PCDH7: variants seen among roughly 807,000 people sequenced by gnomAD.
PCDH7 encodes protocadherin 7.
A neutral mutation model predicts 58.9 loss-of-function variants in PCDH7; 17 were observed. The ratio of observed to expected loss-of-function variants is 0.29; its 90% CI spans 0.20 to 0.43. PCDH7 has a LOEUF of 0.43. PCDH7 is among the 20% of genes least tolerant of loss of function. The pLI is 1.00. For synonymous variants in PCDH7, 664 were observed against 616.4 expected (o/e 1.08, Z -1.14); for missense variants, 1,274 against 1,441.0 (o/e 0.88, Z 1.88).
chr4:30,914,445 T>C (rs1742162879), intron 1 of PCDH7, among the ~76,000 whole-genome samples: 1 of 152,174 alleles, frequency 6.6e-6, no homozygotes. Context: ...AATAGAGAAA[T>C]ATTCATGCTT....
At chr4:30,828,447 A>G (rs1156961245) in intron 1 of PCDH7, among the ~76,000 whole-genome samples, 1 of 151,934 alleles carries the variant, frequency 6.6e-6, no homozygotes, top group African/African-American at 2.4e-5. Flanking sequence ...AGCTATTCAC[A>G]TTTTTGTGGC....
At chr4:30,875,004 C>T (rs567790909) in intron 1 of PCDH7, among the ~76,000 whole-genome samples, 1 of 152,150 alleles carries the variant, frequency 6.6e-6, no homozygotes, top group South Asian at 2.1e-4. Context: ...TTGTTACAGT[C>T]CTTATTTCCT....
intron 3 of PCDH7, among the ~76,000 whole-genome samples, chr4:30,953,703 C>A (rs1747578521): frequency 6.6e-6 from 1 of 151,930 alleles, no homozygotes; most frequent in Non-Finnish European, 1.5e-5. Flanking sequence ...TTAAAAATAG[C>A]ATTTGAAGAA....
At chr4:30,956,499 A>C (rs1207054021) in intron 3 of PCDH7, among the ~76,000 whole-genome samples, 2 of 152,192 alleles carry the variant, frequency 1.3e-5, no homozygotes, top group African/African-American at 4.8e-5. Context: ...TGTTATCTGT[A>C]GACTACACTT....
intron 3 of PCDH7, among the ~76,000 whole-genome samples, chr4:30,959,397 T>C (rs1748172539): frequency 6.6e-6 from 1 of 152,144 alleles, no homozygotes. Context: ...ATATCAGAGA[T>C]ACATATTATC....
chr4:31,015,391 T>C (rs1363714678), intron 3 of PCDH7, among the ~76,000 whole-genome samples: 3 of 152,218 alleles, frequency 2.0e-5, no homozygotes, highest in African/African-American at 7.2e-5. Flanking sequence ...GTGTGTTTTA[T>C]AGGTTTTATT....
At chr4:31,094,561 G>C (rs975232806) in intron 3 of PCDH7, among the ~76,000 whole-genome samples, 7 of 152,122 alleles carry the variant, frequency 4.6e-5, no homozygotes, top group African/African-American at 1.7e-4. Context: ...TGAGATAACA[G>C]AAAGCATTTG....
Position 30,936,625 on chromosome 4 carries a change from CA to C in PCDH7, c.288-13493del, listed in dbSNP as rs1239616335. ...CTTTCTATCTGTGTATTATAAACCACAATGCATTTTTTTTTTGTTTTTTGCA... is the reference window on the plus strand; with the variant it reads ...CTTTCTATCTGTGTATTATAAACCACATGCATTTTTTTTTTGTTTTTTGCA... On this transcript the variant is annotated intron_variant, in intron 2 of 3. Transcript: ENST00000509759. Among the ~76,000 whole-genome samples, 12 of 143,342 alleles carry C rather than the reference CA, an allele frequency of 8.4e-5. 1 individual carries two copies. The East Asian group carries it at 2.0e-3, about 23-fold the overall frequency. 94.0% of individuals were successfully genotyped at this position (143,342 alleles called of 152,430 possible).
At chr4:31,077,409 CAA>C (rs36096768) in intron 3 of PCDH7, among the ~76,000 whole-genome samples, 12 of 87,966 alleles carry the variant, frequency 1.4e-4, no homozygotes, top group Admixed American at 2.6e-4. Context: ...AACTCCATCT[CAA>C]AAAAAAAAAA....
rs1320407538 is a variant in PCDH7 at position 31,079,330 on chromosome 4, A to C, written c.*8-63143A>C. 1.0e-3 allele frequency among the ~76,000 whole-genome samples: 56 copies of C among 54,822 alleles called. 1 individual carries two copies. The highest frequency in any genetic ancestry group is 4.7e-3 in the Admixed American group (31 of 6,660). 36.0% of individuals were successfully genotyped at this position (54,822 alleles called of 152,430 possible). On this transcript the variant is annotated intron_variant, in intron 3 of 3. Transcript: ENST00000509759. ...GGAAGATATATATATATATATATAT[A>C]TATATATATATATATATATATATAT...
intron 3 of PCDH7, among the ~76,000 whole-genome samples, chr4:31,054,356 C>T (rs1452842019): frequency 1.1e-4 from 16 of 152,108 alleles, no homozygotes; most frequent in Middle Eastern, 3.2e-3. Context: ...ACATATACCA[C>T]GAGGGCTGAA....
At chr4:30,847,519 C>T (rs1732142439) in intron 1 of PCDH7, among the ~76,000 whole-genome samples, 1 of 152,108 alleles carries the variant, frequency 6.6e-6, no homozygotes, top group Non-Finnish European at 1.5e-5. Context: ...TTCACATAGA[C>T]AAAGGCACAA....
intron 1 of PCDH7, among the ~76,000 whole-genome samples, chr4:30,765,125 CTTTTTTTTTTT>C (rs10692198): frequency 2.0e-5 from 1 of 49,198 alleles, no homozygotes; most frequent in Non-Finnish European, 3.6e-5. Context: ...ACTTCAGATG[CTTTTTTTTTTT>C]TTTTTTTTTT....
rs574203615 is a variant in PCDH7 at position 30,878,679 on chromosome 4, G to T, written c.71-41474G>T. On this transcript the variant is annotated intron_variant, in intron 1 of 3. Coordinates refer to the PCDH7 transcript ENST00000509759. ...GCCTGGTCAACACGGCAAACCCCCC[G>T]TCTCTACTAAAAATACAAAAATTGT... 3.7e-4 allele frequency among the ~76,000 whole-genome samples: 57 copies of T among 152,020 alleles called. 1 individual carries two copies. The South Asian group carries it at 0.011, about 30-fold the overall frequency.
chr4:31,083,032 T>A lies in PCDH7; in HGVS notation c.*8-59441T>A, dbSNP rs541462403. On this transcript the variant is annotated intron_variant, in intron 3 of 3. Transcript: ENST00000509759. The stretch of plus-strand genomic sequence containing the variant: ...CTGAGGCAGGAGAATGGCGTGAACC[T>A]GGGAGGTGGAGCTTGCAATGAGCGG... 2.6e-5 allele frequency among the ~76,000 whole-genome samples: 4 copies of A among 152,004 alleles called. No homozygotes were observed. In the South Asian group the frequency reaches 8.3e-4, roughly 32 times the overall value.
chr4:31,113,319 GC>G, intron 3 of PCDH7, among the ~76,000 whole-genome samples: 1 of 152,042 alleles, frequency 6.6e-6, no homozygotes, highest in East Asian at 1.9e-4. Flanking sequence ...AAAGAATTTT[GC>G]ATTTGACTTT....
intron 1 of PCDH7, among the ~76,000 whole-genome samples, chr4:30,872,049 A>G (rs1464945767): frequency 6.6e-6 from 1 of 152,098 alleles, no homozygotes; most frequent in Non-Finnish European, 1.5e-5. Flanking sequence ...ATTTTTTCAA[A>G]TGAGGTCACA....
intron 3 of PCDH7, among the ~76,000 whole-genome samples, chr4:30,983,682 C>T (rs941120732): frequency 6.6e-6 from 1 of 152,032 alleles, no homozygotes; most frequent in African/African-American, 2.4e-5. Context: ...ATCAAGTGGC[C>T]ATAATCAGTA....
intron 3 of PCDH7, among the ~76,000 whole-genome samples, chr4:31,038,244 C>G (rs1295952163): frequency 6.6e-6 from 1 of 152,032 alleles, no homozygotes; most frequent in Non-Finnish European, 1.5e-5. Flanking sequence ...TTTATCAGTA[C>G]CAAAGGAAGG....
Sources: allele counts gnomAD v4.1 joint callset (sites outside exome capture counted in the v4.1 genomes callset), GRCh38; gene constraint gnomAD v4.1.1; transcripts MANE v1.5; gene names NCBI Gene and HGNC (gene_info 2026-07-23, HGNC 2026-07-21).